GAK: variants seen among roughly 807,000 people sequenced by gnomAD.
GAK encodes cyclin-G-associated kinase.
GAK carries 79 observed loss-of-function variants against 143.9 expected under a neutral mutation model. That is an observed-to-expected ratio of 0.55 (90% CI 0.46 to 0.66). GAK has a LOEUF of 0.66. Among genes scored for constraint, GAK ranks in the 30% least tolerant of loss-of-function variants. The probability of loss-of-function intolerance (pLI) is 0.00; values close to 1 mark genes in which losing one functional copy is unlikely to be tolerated. For synonymous variants in GAK, 881 were observed against 765.5 expected (o/e 1.15, Z -2.49); for missense variants, 1,693 against 1,779.7 (o/e 0.95, Z 0.88).
intron 1 of GAK, among the ~76,000 whole-genome samples, chr4:929,087 A>G (rs1238793623): frequency 6.6e-6 from 1 of 152,174 alleles, no homozygotes; most frequent in Non-Finnish European, 1.5e-5. Context: ...AAGTGAAGGG[A>G]GGAAGCCTCC....
chr4:863,110 C>G (rs1750584779), intron 23 of GAK, among the ~76,000 whole-genome samples: 1 of 152,226 alleles, frequency 6.6e-6, no homozygotes. Flanking sequence ...GAGGTTAAAA[C>G]AGCAACATGA....
In GAK at chr4:907,957, A is replaced by C. The variant is rs111595349; in HGVS notation, c.383-3178T>G. 9.1e-4 allele frequency among the ~76,000 whole-genome samples: 138 copies of C among 152,090 alleles called. 2 individuals carry two copies. The highest frequency in any genetic ancestry group is 3.2e-3 in the African/African-American group (133 of 41,512). ...CTCTCCTTCCCACACCACCCCATGC[A>C]GGGTCAGCGATGAGCCGCTGGCCCC... On this transcript the variant is annotated intron_variant, in intron 4 of 27. Coordinates refer to ENST00000314167, the MANE Select transcript of GAK (RefSeq NM_005255.4).
intron 4 of GAK, among the ~76,000 whole-genome samples, chr4:905,563 A>ACGC (rs1720927042): frequency 6.9e-6 from 1 of 145,768 alleles, no homozygotes; most frequent in Non-Finnish European, 1.5e-5. Flanking sequence ...GCCCCAGGCC[A>ACGC]TGCTACGGAC....
intron 7 of GAK, among the ~76,000 whole-genome samples, chr4:895,083 G>A (rs542701570): frequency 3.3e-5 from 5 of 152,346 alleles, no homozygotes; most frequent in Non-Finnish European, 7.3e-5. Flanking sequence ...GGTGGGACCA[G>A]CACAGACCCT....
chr4:869,106 C>T (rs1711738715), intron 19 of GAK: 2 of 202,466 alleles, frequency 9.9e-6, no homozygotes, highest in South Asian at 1.3e-4. Context: ...CACACAGATG[C>T]ACAGTATACA....
At chr4:899,387 T>C (rs1447500711) in intron 5 of GAK, among the ~76,000 whole-genome samples, 1 of 150,238 alleles carries the variant, frequency 6.7e-6, no homozygotes, top group Admixed American at 6.6e-5. Context: ...CAGCCACAGA[T>C]GGAAGGTGCT....
Position 850,076 on chromosome 4 carries a change from A to G in GAK, c.3658-8T>C. The G allele has an allele frequency of 6.4e-7, 1 of 1,561,648 alleles. No homozygotes were observed. The highest frequency in any genetic ancestry group is 8.7e-7 in the Non-Finnish European group (1 of 1,145,514). On this transcript the variant is annotated splice_polypyrimidine_tract_variant and splice_region_variant and intron_variant, in intron 26 of 27. Coordinates refer to ENST00000314167, the MANE Select transcript of GAK (RefSeq NM_005255.4). ...CTCAATCCAGTCCAGGAGCTGCGGG[A>G]GACACGGAGCTTGCCGAGCCCTGGG... is the stretch of plus-strand genomic sequence containing the variant.
intron 9 of GAK, among the ~76,000 whole-genome samples, chr4:891,056 C>A (rs1717547381): frequency 6.6e-6 from 1 of 151,504 alleles, no homozygotes; most frequent in Admixed American, 6.6e-5. Flanking sequence ...CTCATGAGTT[C>A]AAGCAATTCT....
At position 893,454 on chromosome 4, in the gene GAK, A is replaced by C; in HGVS notation, c.913T>G (p.Ser305Ala). 2 of 1,590,574 alleles carry C rather than the reference A, an allele frequency of 1.3e-6. No individual in the cohort carries two copies. The change falls in exon 9 of 28, where the codon TCC becomes GCC. Residue 305 changes from serine (S) to alanine (A), a missense_variant. Physicochemically the swap from Ser to Ala is moderately conservative, Grantham distance 99 (BLOSUM62 1). Coordinates refer to ENST00000314167, the MANE Select transcript of GAK (RefSeq NM_005255.4). ...MLQVNPEERL[S>A]IAEVVHQLQE... ...AGCTGGTGCACCACCTCGGCGATGGACAGCCGCTCCTCCGGGTTCACCTGC... is the reference window on the plus strand; with the variant it reads ...AGCTGGTGCACCACCTCGGCGATGGCCAGCCGCTCCTCCGGGTTCACCTGC...
intron 9 of GAK, among the ~76,000 whole-genome samples, chr4:891,658 C>T (rs1285403483): frequency 6.6e-6 from 1 of 152,186 alleles, no homozygotes; most frequent in African/African-American, 2.4e-5. Flanking sequence ...GGCACCTCCT[C>T]CCGCCCCATC....
intron 24 of GAK, chr4:853,241 C>T (rs1359370451): frequency 2.0e-5 from 3 of 152,320 alleles, no homozygotes; most frequent in Non-Finnish European, 2.9e-5. Context: ...AGGGCCATCT[C>T]GTGGTGTGCA....
chr4:903,698 CG>C (rs1553889753), intron 5 of GAK, among the ~76,000 whole-genome samples: 1 of 90,404 alleles, frequency 1.1e-5, no homozygotes, highest in Admixed American at 1.0e-4. Flanking sequence ...GTGACACCAC[CG>C]GGGGGCGGTG....
chr4:902,235 TAA>T (rs77844745), intron 5 of GAK, among the ~76,000 whole-genome samples: 11 of 100,722 alleles, frequency 1.1e-4, no homozygotes, highest in Non-Finnish European at 1.1e-4. Flanking sequence ...AGACTCCGCC[TAA>T]AAAAAAAAAA....
intron 14 of GAK, among the ~76,000 whole-genome samples, chr4:882,252 C>A (rs1183345646): frequency 6.6e-6 from 1 of 152,238 alleles, no homozygotes; most frequent in Non-Finnish European, 1.5e-5. Context: ...AAGAACAGGG[C>A]TAGGGCCACT....
At chr4:904,101 G>A (rs1720584368) in intron 5 of GAK, among the ~76,000 whole-genome samples, 2 of 152,272 alleles carry the variant, frequency 1.3e-5, no homozygotes, top group African/African-American at 2.4e-5. Context: ...CACAGAGGCT[G>A]TGAACCGCGT....
intron 1 of GAK, among the ~76,000 whole-genome samples, chr4:921,526 C>G (rs1346352121): frequency 2.0e-5 from 3 of 152,142 alleles, no homozygotes; most frequent in Non-Finnish European, 4.4e-5. Flanking sequence ...CATAAATCTG[C>G]AACTGTGAAG....
intron 4 of GAK, among the ~76,000 whole-genome samples, chr4:907,469 G>A (rs1721284394): frequency 6.6e-6 from 1 of 152,248 alleles, no homozygotes; most frequent in Non-Finnish European, 1.5e-5. Flanking sequence ...GGGAGTCAGA[G>A]TGGGGGTGAC....
chr4:889,738 T>C (rs996569077), intron 10 of GAK, among the ~76,000 whole-genome samples: 1 of 152,174 alleles, frequency 6.6e-6, no homozygotes, highest in Non-Finnish European at 1.5e-5. Flanking sequence ...GTCAGCGCCA[T>C]GCAGAGCTGC....
chr4:859,905 A>G (rs144536510), intron 23 of GAK, among the ~76,000 whole-genome samples, 183 bp from the exon 24 acceptor site: 1 of 152,258 alleles, frequency 6.6e-6, no homozygotes, highest in East Asian at 1.9e-4. Flanking sequence ...CGCTGCCTCC[A>G]TGCCCCATGC....
Sources: allele counts gnomAD v4.1 joint callset (sites outside exome capture counted in the v4.1 genomes callset), GRCh38; gene constraint gnomAD v4.1.1; transcripts MANE v1.5; gene names NCBI Gene and HGNC (gene_info 2026-07-23, HGNC 2026-07-21).